The following ASXL1 variants were observed in gnomAD, a reference collection of about 807,000 sequenced individuals.
ASXL1 encodes the protein polycomb group protein ASXL1.
ASXL1 carries 65 observed loss-of-function variants against 89.1 expected under a neutral mutation model. The observed-to-expected ratio is 0.73, with a 90% CI of 0.60 to 0.90. The LOEUF is 0.90. Among genes scored for constraint, ASXL1 ranks in the 40% least tolerant of loss-of-function variants. ASXL1 has a pLI of 0.00. For missense variants in ASXL1, 1,786 were observed against 1,942.9 expected, an observed-to-expected ratio of 0.92 and a Z score of 1.52; for synonymous variants, 739 against 746.9, an observed-to-expected ratio of 0.99 and a Z score of 0.17.
Position 32,437,181 on chromosome 20 carries a change from T to C in ASXL1, c.4469T>C (p.Leu1490Ser), listed in dbSNP as rs1237757749. 1.3e-5 allele frequency: 21 copies of C among 1,613,658 alleles called. No homozygotes were observed. Among genetic ancestry groups the C allele is most frequent in the Non-Finnish European group, 1.8e-5 (21 of 1,179,662 alleles). ...GCGAGCCACAGTGCATCACTTTCCT[T>C]GCAAATGTTCACTGACAGCAGCACG... ...FGASHSASLS[L>S]QMFTDSSTVE... Residue 1490 changes from leucine (L) to serine (S), a missense_variant, in exon 13 of 13, where the codon TTG becomes TCG. By Grantham distance (145) the Leu-to-Ser change is moderately radical. Around this residue, in one of 3 missense-constraint regions of ASXL1, gnomAD observed 1,418 missense variants for 1,427.8 expected, o/e 0.99. Coordinates refer to ENST00000375687, the MANE Select transcript of ASXL1 (RefSeq NM_015338.6).
chr20:32,436,253 A>C lies in ASXL1; in HGVS notation c.3541A>C (p.Ser1181Arg), dbSNP rs534306009. 1 of 1,614,226 alleles carries C rather than the reference A, an allele frequency of 6.2e-7. No homozygotes were observed. The highest frequency in any genetic ancestry group is 2.2e-5 in the East Asian group (1 of 44,888). ...RALKEPLLPD[S>R]CETGTGLARI... ...TTTGAAGGAGCCTCTTCTGCCAGAT[A>C]GCTGTGAAACAGGCACTGGTCTTGC... The change falls in exon 13 of 13, where the codon AGC (serine) becomes CGC (arginine). Residue 1181 changes from serine (S) to arginine (R), a missense_variant. Ser to Arg is a moderately radical substitution (Grantham distance 110). Transcript: ENST00000375687.
In ASXL1 at chr20:32,397,399, C is replaced by CTT. The variant is rs1199602381; in HGVS notation, c.252+28293_252+28294dup. Among the ~76,000 whole-genome samples, 571 of 96,630 alleles carry CTT rather than the reference C, an allele frequency of 5.9e-3. 25 individuals carry two copies. Among genetic ancestry groups the CTT allele is most frequent in the Middle Eastern group, 0.027 (3 of 112 alleles). 63.4% of individuals were successfully genotyped at this position (96,630 alleles called of 152,430 possible). On this transcript the variant is annotated intron_variant, in intron 4 of 12. Coordinates refer to ENST00000375687, the MANE Select transcript of ASXL1 (RefSeq NM_015338.6). ...ACAGGTGTGAGCCACCACTCCTGGC[C>CTT]TTTTTTTTTTTTTTTTTTGAGATGG...
Position 32,429,271 on chromosome 20 carries a change from C to T in ASXL1, c.472-67C>T, listed in dbSNP as rs1413879547. On this transcript the variant is annotated intron_variant, in intron 6 of 12. Coordinates refer to ENST00000375687, the MANE Select transcript of ASXL1 (RefSeq NM_015338.6). This position sits in a 1 kb window ranked among gnomAD's most constrained non-coding sequence, Gnocchi z 4.9. ...ACAAGAGCGTGAGTAGAGATAGTGT[C>T]GCCAGGGAATGCTTTTGTGGCTCTG... 26 of 1,465,878 alleles carry T rather than the reference C, an allele frequency of 1.8e-5. No individual in the cohort carries two copies. The highest frequency in any genetic ancestry group is 2.5e-5 in the Non-Finnish European group (26 of 1,056,390). The allele number at this position is 1,465,878 out of a possible 1,614,324, so 90.8% of individuals were successfully genotyped here.
intron 4 of ASXL1, among the ~76,000 whole-genome samples, chr20:32,374,545 T>C (rs2048347276): frequency 6.6e-6 from 1 of 152,182 alleles, no homozygotes; most frequent in Non-Finnish European, 1.5e-5. Flanking sequence ...ATCCTCTGCT[T>C]CAGCCTCCCG....
At chr20:32,408,535 C>G (rs1209036310) in intron 4 of ASXL1, among the ~76,000 whole-genome samples, 1 of 152,062 alleles carries the variant, frequency 6.6e-6, no homozygotes, top group Admixed American at 6.6e-5. Flanking sequence ...GCTTGGACTG[C>G]TTTTGGTTCT....
At chr20:32,393,282 T>C (rs929048983) in intron 4 of ASXL1, among the ~76,000 whole-genome samples, 7 of 152,230 alleles carry the variant, frequency 4.6e-5, no homozygotes, top group Admixed American at 3.9e-4. Flanking sequence ...TCTCATAATA[T>C]AGCTACTCGT....
intron 1 of ASXL1, chr20:32,359,156 TG>T: frequency 1.5e-6 from 1 of 661,302 alleles, no homozygotes. Flanking sequence ...TGGCAGCGTC[TG>T]GGGGTCTGGG....
intron 10 of ASXL1, chr20:32,432,271 T>C (rs1229238056): frequency 5.6e-6 from 1 of 177,232 alleles, no homozygotes; most frequent in East Asian, 1.5e-4. Flanking sequence ...CCTCTCTCAG[T>C]GGTGTCACAC....
chr20:32,428,467 G>A (rs2123211775), intron 6 of ASXL1, 45 bp downstream of exon 6: 1 of 1,527,514 alleles, frequency 6.5e-7, no homozygotes, highest in East Asian at 2.3e-5. Context: ...AATGATGACA[G>A]GTATAAGGCA....
In ASXL1 at chr20:32,428,324, G is replaced by A. The variant is rs753845808; in HGVS notation, c.374-1G>A. 6.2e-7 allele frequency: 1 copy of A among 1,614,200 alleles called. No homozygotes were observed. The highest frequency in any genetic ancestry group is 8.5e-7 in the Non-Finnish European group (1 of 1,180,030). On this transcript the variant is annotated splice_acceptor_variant, in intron 5 of 12. Coordinates refer to ENST00000375687, the MANE Select transcript of ASXL1 (RefSeq NM_015338.6). LOFTEE classifies it high-confidence loss of function. ...CTAACCTTTATTTTCCTCTCTTCCA[G>A]TATCTCTTGATGAAACATCTTCGAA...
Position 32,429,517 on chromosome 20 carries a change from T to C in ASXL1, c.565+86T>C. 7.3e-7 allele frequency: 1 copy of C among 1,371,182 alleles called. No homozygotes were observed. The highest frequency in any genetic ancestry group is 1.0e-6 in the Non-Finnish European group (1 of 962,628). The allele number at this position is 1,371,182 out of a possible 1,614,324, so 84.9% of individuals were successfully genotyped here. A position where few individuals can be genotyped will look rare whatever the true frequency, so the allele number is the denominator to read the frequency against. The stretch of plus-strand genomic sequence containing the variant: ...CTGTCAGCAGTTTCTGACCTAATAG[T>C]GCGATACTAGGAGAGCTGTCGGGCC... On this transcript the variant is annotated intron_variant, in intron 7 of 12. Coordinates refer to ENST00000375687, the MANE Select transcript of ASXL1 (RefSeq NM_015338.6). This position sits in a 1 kb window ranked among gnomAD's most constrained non-coding sequence, Gnocchi z 4.9.
Position 32,436,282 on chromosome 20 carries a change from G to A in ASXL1, c.3570G>A (p.Arg1190=), listed in dbSNP as rs1314607762. 9 of 1,614,200 alleles carry A rather than the reference G, an allele frequency of 5.6e-6. No individual in the cohort carries two copies. Among genetic ancestry groups the A allele is most frequent in the Non-Finnish European group, 7.6e-6 (9 of 1,180,038 alleles). Residue 1190 remains arginine (R), a synonymous_variant, in exon 13 of 13, where the codon AGG becomes AGA. Transcript: ENST00000375687. ...DSCETGTGLA[R]IEATQAPGAP... ...GTGAAACAGGCACTGGTCTTGCCAG[G>A]ATTGAGGCCACCCAGGCTCCTGGAG...
At chr20:32,404,050 T>G (rs1282224612) in intron 4 of ASXL1, among the ~76,000 whole-genome samples, 1 of 152,192 alleles carries the variant, frequency 6.6e-6, no homozygotes, top group African/African-American at 2.4e-5. Flanking sequence ...TCTAGGTATT[T>G]TGAAATATAA....
At position 32,433,926 on chromosome 20, in the gene ASXL1, CTGTT is replaced by C. The variant is rs2011628174; in HGVS notation, c.1719+12_1719+15del. On this transcript the variant is annotated intron_variant, in intron 12 of 12. Coordinates refer to ENST00000375687, the MANE Select transcript of ASXL1 (RefSeq NM_015338.6). ...AAGTCCCGCCCATCCGGGTAGGAGA[CTGTT>C]TGATTCCTGGCTGCCCTGGAGCCAG... 6.2e-7 allele frequency: 1 copy of C among 1,611,934 alleles called. No individual in the cohort carries two copies.
At position 32,436,697 on chromosome 20, in the gene ASXL1, A is replaced by T. The variant is rs1193631121; in HGVS notation, c.3985A>T (p.Ile1329Phe). The T allele has an allele frequency of 6.2e-7, 1 of 1,613,938 alleles. No individual in the cohort carries two copies. Among genetic ancestry groups the T allele is most frequent in the Non-Finnish European group, 8.5e-7 (1 of 1,180,036 alleles). The stretch of plus-strand genomic sequence containing the variant: ...GGACCCGATGCCTCTTCCTGCTGAG[A>T]TCCCTCCAGTTTTTCCCAGTGGGAA... ...PADPMPLPAE[I>F]PPVFPSGKLG... Residue 1329 changes from isoleucine to phenylalanine, a missense_variant, in exon 13 of 13, where the codon ATC becomes TTC. Physicochemically the swap from Ile to Phe is conservative, Grantham distance 21. Around this residue, in one of 3 missense-constraint regions of ASXL1, gnomAD observed 1,418 missense variants for 1,427.8 expected, o/e 0.99. Transcript: ENST00000375687.
intron 1 of ASXL1, among the ~76,000 whole-genome samples, chr20:32,366,152 A>G (rs534464009): frequency 2.0e-5 from 3 of 152,366 alleles, no homozygotes; most frequent in South Asian, 4.1e-4. Flanking sequence ...TATACCATGT[A>G]TGCTGAGAAG....
chr20:32,361,425 G>A (rs866063230), intron 1 of ASXL1, among the ~76,000 whole-genome samples: 4 of 150,684 alleles, frequency 2.7e-5, no homozygotes, highest in Middle Eastern at 7.1e-3. Flanking sequence ...GGATCACAGG[G>A]TCAGGAGTTC....
chr20:32,410,643 A>G (rs976384960), intron 4 of ASXL1, among the ~76,000 whole-genome samples: 4 of 152,222 alleles, frequency 2.6e-5, no homozygotes, highest in Non-Finnish European at 5.9e-5. Context: ...GGTAGAGGGC[A>G]CTTACTGTAC....
At position 32,435,382 on chromosome 20, in the gene ASXL1, C is replaced by T. The variant is rs140299198; in HGVS notation, c.2670C>T (p.Leu890=). 3.5e-5 allele frequency: 56 copies of T among 1,614,066 alleles called. No homozygotes were observed. The highest frequency in any genetic ancestry group is 1.6e-4 in the South Asian group (15 of 91,090). Residue 890 remains leucine (L), a synonymous_variant, in exon 13 of 13, where the codon CTC becomes CTT. Coordinates refer to ENST00000375687, the MANE Select transcript of ASXL1 (RefSeq NM_015338.6). ...TRQENLKTKA[L]VSNSSLHWIP... is the part of the protein sequence containing the mutation. ...AAGAAAACTTGAAAACCAAGGCTCT[C>T]GTTTCTAACAGTTCTTTGCATTGGA...
Sources: allele counts gnomAD v4.1 joint callset (sites outside exome capture counted in the v4.1 genomes callset), GRCh38; gene constraint gnomAD v4.1.1; regional missense constraint gnomAD v4.1.1; non-coding constraint Gnocchi (gnomAD v3.1); transcripts MANE v1.5; gene names NCBI Gene and HGNC (gene_info 2026-07-23, HGNC 2026-07-21).